Variants in CNOT10 observed in about 807,000 individuals in gnomAD.
CNOT10 encodes the protein CCR4-NOT transcription complex subunit 10.
Under a neutral mutation model 94.6 loss-of-function variants are expected in CNOT10, and 30 were observed. The ratio of observed to expected loss-of-function variants is 0.32; its 90% confidence interval spans 0.24 to 0.43. The LOEUF (loss-of-function observed/expected upper bound fraction) is 0.43, where lower values mean the gene tolerates loss of function less well. CNOT10 is among the 20% of genes least tolerant of loss of function. CNOT10 has a pLI of 1.00. For synonymous variants in CNOT10, 289 were observed against 301.6 expected, an observed-to-expected ratio of 0.96 and a Z score of 0.43; for missense variants, 759 against 877.2, an observed-to-expected ratio of 0.87 and a Z score of 1.70.
Position 32,773,473 on chromosome 3 carries a change from C to A in CNOT10, c.2097C>A (p.Ala699=), listed in dbSNP as rs1195961035. ...TTTTTATAGGTAATACTCAGCTGGC[C>A]TTACAGATCATCAAAAGGAATCAGC... ...LELQNGNTQL[A]LQIIKRNQLL... The change falls in exon 19 of 19, where the codon GCC becomes GCA. Residue 699 remains alanine (A), a synonymous_variant. Transcript: ENST00000328834. The A allele has an allele frequency of 1.9e-6, 3 of 1,613,396 alleles. No individual in the cohort carries two copies. The highest frequency in any genetic ancestry group is 1.1e-5 in the South Asian group (1 of 90,942).
In CNOT10 at chr3:32,733,499, G is replaced by A. The variant is rs373173755; in HGVS notation, c.1292G>A (p.Arg431His). ...VQSIVGQGYH[R>H]KIVLASQSIQ... ...TCTATTGTTGGTCAAGGCTATCATC[G>A]TAAAATAGTTTTGGCATCACAGTCT... The change falls in exon 11 of 19, where the codon CGT becomes CAT. Residue 431 changes from arginine to histidine, a missense_variant. This residue lies in a region of CNOT10 where 682 missense variants were observed against 799.4 expected (regional missense o/e 0.85). Transcript: ENST00000328834. The A allele has an allele frequency of 5.6e-6, 9 of 1,604,246 alleles. No individual in the cohort carries two copies. Among genetic ancestry groups the A allele is most frequent in the Middle Eastern group, 1.7e-4 (1 of 5,728 alleles).
At chr3:32,707,714 A>G (rs1485553847) in intron 3 of CNOT10, among the ~76,000 whole-genome samples, 1 of 152,084 alleles carries the variant, frequency 6.6e-6, no homozygotes, top group Non-Finnish European at 1.5e-5. Context: ...AAGGCAGGAG[A>G]ATCACTTGAA....
intron 5 of CNOT10, among the ~76,000 whole-genome samples, chr3:32,714,218 G>A (rs1395156472): frequency 6.6e-6 from 1 of 152,092 alleles, no homozygotes; most frequent in Admixed American, 6.6e-5. Flanking sequence ...CTTAGGGGGT[G>A]TGAAGTGGTA....
At chr3:32,699,975 C>CTTT (rs565780036) in intron 1 of CNOT10, among the ~76,000 whole-genome samples, 12 of 129,228 alleles carry the variant, frequency 9.3e-5, no homozygotes, top group African/African-American at 3.1e-4. Context: ...ATATCAGTTT[C>CTTT]TTTTTTTTTT....
At chr3:32,726,637 C>T (rs1034072883) in intron 9 of CNOT10, among the ~76,000 whole-genome samples, 5 of 150,726 alleles carry the variant, frequency 3.3e-5, no homozygotes, top group Non-Finnish European at 5.9e-5. Flanking sequence ...CGGAGCTTGC[C>T]GTGAGCCGAG....
intron 8 of CNOT10, 116 bp from the exon 9 acceptor site, chr3:32,725,334 T>C (rs1174382015): frequency 7.6e-6 from 6 of 789,782 alleles, no homozygotes; most frequent in African/African-American, 1.7e-5. Flanking sequence ...AACTGTTCTT[T>C]AGGGAGTAAG....
At chr3:32,722,627 C>T (rs1477304675) in intron 8 of CNOT10, among the ~76,000 whole-genome samples, 1 of 152,162 alleles carries the variant, frequency 6.6e-6, no homozygotes, top group East Asian at 1.9e-4. Flanking sequence ...GAATCATGAT[C>T]ATGCCACTGC....
chr3:32,720,342 A>G (rs929662388), intron 8 of CNOT10, 111 bp downstream of exon 8: 1 of 492,990 alleles, frequency 2.0e-6, no homozygotes, highest in East Asian at 2.9e-5. Context: ...TAATTTTTTA[A>G]TGAAAATGTT....
chr3:32,688,141 T>G (rs996994361), intron 1 of CNOT10, among the ~76,000 whole-genome samples: 1 of 152,226 alleles, frequency 6.6e-6, no homozygotes, highest in Non-Finnish European at 1.5e-5. Flanking sequence ...TGTTGTGATA[T>G]TAATTTATTC....
intron 1 of CNOT10, among the ~76,000 whole-genome samples, chr3:32,690,932 A>G (rs1022972667): frequency 2.0e-5 from 3 of 150,142 alleles, no homozygotes; most frequent in African/African-American, 7.4e-5. Context: ...CTATATATCT[A>G]CCCCCTAGTT....
rs560794096 is a variant in CNOT10 at position 32,718,801 on chromosome 3, G to A, written c.745-1313G>A. 1.6e-3 allele frequency among the ~76,000 whole-genome samples: 245 copies of A among 152,046 alleles called. 1 individual carries two copies. Among genetic ancestry groups the A allele is most frequent in the African/African-American group, 5.7e-3 (238 of 41,482 alleles). ...CAAAGGATAAACTAGGATTTAGAAG[G>A]AAAGCCTGTTGCTAAATTAAGTGAA... On this transcript the variant is annotated intron_variant, in intron 7 of 18. Coordinates refer to ENST00000328834, the MANE Select transcript of CNOT10 (RefSeq NM_015442.3).
chr3:32,740,127 C>G (rs1240794431), intron 13 of CNOT10, among the ~76,000 whole-genome samples: 1 of 152,104 alleles, frequency 6.6e-6, no homozygotes, highest in Non-Finnish European at 1.5e-5. Context: ...GAGACCTCAT[C>G]TACCCTCTAC....
intron 18 of CNOT10, among the ~76,000 whole-genome samples, chr3:32,773,194 T>C (rs2125656553): frequency 1.3e-5 from 2 of 152,302 alleles, no homozygotes; most frequent in South Asian, 4.1e-4. Flanking sequence ...AGCCCACCTA[T>C]AACAAGTTCT....
intron 1 of CNOT10, among the ~76,000 whole-genome samples, chr3:32,695,268 C>G (rs1244944874): frequency 6.6e-6 from 1 of 152,108 alleles, no homozygotes; most frequent in Non-Finnish European, 1.5e-5. Context: ...GGTATGTTAA[C>G]CTAGCTGTAT....
intron 14 of CNOT10, among the ~76,000 whole-genome samples, chr3:32,760,179 C>CAAA (rs376621393): frequency 3.0e-5 from 4 of 133,396 alleles, no homozygotes; most frequent in African/African-American, 1.1e-4. Context: ...GACTCTGTCT[C>CAAA]AAAAAAAAAA....
intron 15 of CNOT10, among the ~76,000 whole-genome samples, chr3:32,763,873 G>C (rs1348643832): frequency 6.6e-6 from 1 of 152,104 alleles, no homozygotes; most frequent in Admixed American, 6.6e-5. Context: ...GCTCACACCT[G>C]TAATCCCAGC....
At chr3:32,720,333 A>G (rs1368975894) in intron 8 of CNOT10, 102 bp downstream of exon 8, 3 of 509,472 alleles carry the variant, frequency 5.9e-6, no homozygotes, top group South Asian at 4.9e-5. Context: ...GATTTATGCT[A>G]ATTTTTTAAT....
In CNOT10 at chr3:32,708,706, G is replaced by T; in HGVS notation, c.316G>T (p.Asp106Tyr). 1 of 1,613,168 alleles carries T rather than the reference G, an allele frequency of 6.2e-7. No individual in the cohort carries two copies. The highest frequency in any genetic ancestry group is 1.3e-5 in the African/African-American group (1 of 75,006). ...TGTTGAAGAAATGGATGGATTAGAT[G>T]ATGTTGAAAACAGCATGTTGTACTA... ...SAVEEMDGLD[D>Y]VENSMLYYNQ... The change falls in exon 4 of 19, where the codon GAT becomes TAT. Residue 106 changes from aspartate (D) to tyrosine (Y), a missense_variant. By Grantham distance (160) the Asp-to-Tyr change is radical. This residue lies in a region of CNOT10 where 682 missense variants were observed against 799.4 expected (regional missense o/e 0.85). Coordinates refer to ENST00000328834, the MANE Select transcript of CNOT10 (RefSeq NM_015442.3).
chr3:32,738,586 C>A (rs1699298193), intron 13 of CNOT10, among the ~76,000 whole-genome samples: 1 of 151,844 alleles, frequency 6.6e-6, no homozygotes, highest in African/African-American at 2.4e-5. Flanking sequence ...CCTCAACCTC[C>A]CGAGTAGCTG....
Sources: allele counts gnomAD v4.1 joint callset (sites outside exome capture counted in the v4.1 genomes callset), GRCh38; gene constraint gnomAD v4.1.1; regional missense constraint gnomAD v4.1.1; transcripts MANE v1.5; gene names NCBI Gene and HGNC (gene_info 2026-07-23, HGNC 2026-07-21).